IL1RAP: variants seen among roughly 807,000 people sequenced by gnomAD.
The protein encoded by IL1RAP is interleukin-1 receptor accessory protein.
A neutral mutation model predicts 60.7 loss-of-function variants in IL1RAP; 35 were observed. The observed-to-expected ratio is 0.58, with a 90% CI of 0.44 to 0.76. IL1RAP has a LOEUF of 0.76. Ranked by LOEUF, IL1RAP falls within the 30% of genes least tolerant of loss-of-function variation. The pLI, the probability that IL1RAP is intolerant of heterozygous loss-of-function variation, is 0.00. For synonymous variants in IL1RAP, 268 were observed against 250.9 expected (o/e 1.07, Z -0.64); for missense variants, 572 against 693.9 (o/e 0.82, Z 1.97).
chr3:190,654,120 AAAC>A (rs908952571), downstream of IL1RAP, among the ~76,000 whole-genome samples: 2 of 152,016 alleles, frequency 1.3e-5, no homozygotes, highest in African/African-American at 4.8e-5. Flanking sequence ...GTTGTATTTT[AAAC>A]AACAATATTC....
At chr3:190,646,366 C>T (rs1313533653) in intron 11 of IL1RAP, among the ~76,000 whole-genome samples, 1 of 151,406 alleles carries the variant, frequency 6.6e-6, no homozygotes, top group Non-Finnish European at 1.5e-5. Flanking sequence ...TCTTTTTTTT[C>T]CCCCTCACTT....
At chr3:190,553,384 C>T (rs1380447454) in intron 1 of IL1RAP, among the ~76,000 whole-genome samples, 1 of 152,142 alleles carries the variant, frequency 6.6e-6, no homozygotes, top group East Asian at 1.9e-4. Flanking sequence ...AATAAATAAA[C>T]AACCACCACG....
intron 3 of IL1RAP, among the ~76,000 whole-genome samples, chr3:190,601,073 C>G (rs1729817969): frequency 6.6e-6 from 1 of 152,196 alleles, no homozygotes. Context: ...CAACCTCTGC[C>G]TCCCGGGTTC....
chr3:190,582,843 G>T (rs1728125690), intron 3 of IL1RAP, among the ~76,000 whole-genome samples: 1 of 152,176 alleles, frequency 6.6e-6, no homozygotes, highest in South Asian at 2.1e-4. Context: ...ATTCCTACCT[G>T]TTGCTTCAGC....
intron 1 of IL1RAP, chr3:190,518,498 TA>T (rs1445851634): frequency 2.0e-5 from 3 of 152,212 alleles, no homozygotes; most frequent in African/African-American, 7.2e-5. Context: ...TAATCCTGTA[TA>T]TTTTTTTAGG....
intron 3 of IL1RAP, among the ~76,000 whole-genome samples, chr3:190,585,480 A>G (rs898766444): frequency 6.6e-6 from 1 of 152,162 alleles, no homozygotes; most frequent in African/African-American, 2.4e-5. Context: ...TATACTGCCC[A>G]GCCTATCTTT....
chr3:190,570,739 AT>A (rs1238246617), intron 3 of IL1RAP, among the ~76,000 whole-genome samples: 1 of 151,620 alleles, frequency 6.6e-6, no homozygotes, highest in Non-Finnish European at 1.5e-5. Context: ...CTAATTCTGT[AT>A]TTTTTTGTAG....
chr3:190,640,220 A>G (rs1414280889), intron 9 of IL1RAP, among the ~76,000 whole-genome samples: 2 of 152,174 alleles, frequency 1.3e-5, no homozygotes, highest in Non-Finnish European at 2.9e-5. Context: ...GGTGCCTTTA[A>G]TCGAAAAGCC....
At position 190,649,483 on chromosome 3, in the gene IL1RAP, C is replaced by T; in HGVS notation, c.*778C>T. On this transcript the variant is annotated 3_prime_UTR_variant, in exon 12 of 12. Transcript: ENST00000447382. ...CTCATTTAGAGTTTGCAGGAGGCTCCATACTAGGTTCAGTCTGAAAGAAAT... is the reference window on the plus strand; with the variant it reads ...CTCATTTAGAGTTTGCAGGAGGCTCTATACTAGGTTCAGTCTGAAAGAAAT... 2 of 985,792 alleles carry T rather than the reference C, an allele frequency of 2.0e-6. No individual in the cohort carries two copies. The highest frequency in any genetic ancestry group is 2.4e-6 in the Non-Finnish European group (2 of 829,910). 61.1% of individuals were successfully genotyped at this position (985,792 alleles called of 1,614,324 possible).
chr3:190,604,612 A>T (rs943739201), intron 4 of IL1RAP, among the ~76,000 whole-genome samples, 199 bp downstream of exon 4: 3 of 152,154 alleles, frequency 2.0e-5, no homozygotes, highest in Non-Finnish European at 4.4e-5. Flanking sequence ...AATGTTCTCC[A>T]GAGGTAGTTC....
At chr3:190,639,112 G>A (rs761989985) in intron 9 of IL1RAP, among the ~76,000 whole-genome samples, 3 of 152,088 alleles carry the variant, frequency 2.0e-5, no homozygotes, top group Non-Finnish European at 4.4e-5. Context: ...TTGTGTGTGT[G>A]TGTTTCTTAC....
chr3:190,516,447 G>T (rs567057314), intron 1 of IL1RAP, among the ~76,000 whole-genome samples: 5 of 152,204 alleles, frequency 3.3e-5, no homozygotes, highest in Non-Finnish European at 5.9e-5. Context: ...AGAAAGGTTG[G>T]TCAATTATAC....
Position 190,620,455 on chromosome 3 carries a change from T to C in IL1RAP, c.703+15T>C. The C allele has an allele frequency of 6.3e-7, 1 of 1,599,750 alleles. No individual in the cohort carries two copies. The highest frequency in any genetic ancestry group is 2.2e-5 in the East Asian group (1 of 44,694). ...AAAGGTAGTAGGTAAGCATGATTAGTGTCCAGTACACACAACAAGCATGTG... is the reference window on the plus strand; with the variant it reads ...AAAGGTAGTAGGTAAGCATGATTAGCGTCCAGTACACACAACAAGCATGTG... On this transcript the variant is annotated intron_variant, in intron 6 of 11. Transcript: ENST00000447382.
intron 1 of IL1RAP, among the ~76,000 whole-genome samples, chr3:190,546,883 A>G (rs1330884214): frequency 6.6e-6 from 1 of 152,342 alleles, no homozygotes; most frequent in East Asian, 1.9e-4. Flanking sequence ...ATCCAGTTAC[A>G]CGAAATAGCT....
chr3:190,644,488 G>C (rs970839275), intron 10 of IL1RAP, 91 bp downstream of exon 10: 5 of 983,314 alleles, frequency 5.1e-6, no homozygotes, highest in Non-Finnish European at 6.2e-6. Flanking sequence ...ATGTTGATTT[G>C]AAAAACCTAG....
intron 10 of IL1RAP, 34 bp downstream of exon 10, chr3:190,644,431 A>C (rs34590034): frequency 6.7e-7 from 1 of 1,490,112 alleles, no homozygotes; most frequent in Non-Finnish European, 9.4e-7. Flanking sequence ...AACCTCTTCT[A>C]CTGTCATCTT....
At position 190,649,840 on chromosome 3, in the gene IL1RAP, T is replaced by G. The variant is rs993464764; in HGVS notation, c.*1135T>G. 1.0e-6 allele frequency: 1 copy of G among 985,230 alleles called. No homozygotes were observed. The highest frequency in any genetic ancestry group is 1.7e-5 in the African/African-American group (1 of 57,220). 61.0% of individuals were successfully genotyped at this position (985,230 alleles called of 1,614,324 possible). A position where few individuals can be genotyped will look rare whatever the true frequency, so the allele number is the denominator to read the frequency against. On this transcript the variant is annotated 3_prime_UTR_variant, in exon 12 of 12. Coordinates refer to ENST00000447382, the MANE Select transcript of IL1RAP (RefSeq NM_002182.4). ...GAAGTCACTGTCAATGAAAGTTGTT[T>G]TGTTTGTTTTCAGTAATATTTTGCT...
At chr3:190,589,212 G>A (rs1728732276) in intron 3 of IL1RAP, among the ~76,000 whole-genome samples, 2 of 152,264 alleles carry the variant, frequency 1.3e-5, no homozygotes, top group African/African-American at 4.8e-5. Context: ...CCAAGACCCT[G>A]CTTCTTTCCT....
At chr3:190,623,904 T>C (rs1731999861) in intron 7 of IL1RAP, among the ~76,000 whole-genome samples, 1 of 152,236 alleles carries the variant, frequency 6.6e-6, no homozygotes, top group Non-Finnish European at 1.5e-5. Context: ...TTAGTTTCCA[T>C]AATTTTTCAT....
Sources: gnomAD v4.1 joint callset for allele counts (sites outside exome capture counted in the v4.1 genomes callset) on GRCh38, gnomAD v4.1.1 for gene constraint, MANE v1.5 for transcripts, NCBI Gene and HGNC (gene_info 2026-07-23, HGNC 2026-07-21) for gene names.